TENM4: variants seen among roughly 807,000 people sequenced by gnomAD.
The protein encoded by TENM4 is teneurin-4.
In TENM4, 82 loss-of-function variants were observed where a neutral mutation model predicts 243.3. The ratio of observed to expected loss-of-function variants is 0.34; its 90% CI spans 0.28 to 0.40. The LOEUF (loss-of-function observed/expected upper bound fraction) is 0.40, where lower values mean the gene tolerates loss of function less well. Among genes scored for constraint, TENM4 ranks in the 10% least tolerant of loss-of-function variants. TENM4 has a pLI of 1.00. For missense variants in TENM4, 3,138 were observed against 3,673.3 expected, an observed-to-expected ratio of 0.85 and a Z score of 3.77; for synonymous variants, 1,412 against 1,456.3, an observed-to-expected ratio of 0.97 and a Z score of 0.69.
At chr11:79,223,508 A>T (rs1358705483) in intron 2 of TENM4, among the ~76,000 whole-genome samples, 1 of 152,114 alleles carries the variant, frequency 6.6e-6, no homozygotes, top group African/African-American at 2.4e-5. Flanking sequence ...CTAAAATGCA[A>T]ACCTGACCCT....
intron 6 of TENM4, among the ~76,000 whole-genome samples, chr11:79,020,296 A>G (rs1334070213): frequency 1.3e-5 from 2 of 152,214 alleles, no homozygotes; most frequent in Non-Finnish European, 2.9e-5. Context: ...TGCAGACACA[A>G]AAAGCACTAT....
At position 78,669,647 on chromosome 11, in the gene TENM4, C is replaced by T. The variant is rs561808396; in HGVS notation, c.6698G>A (p.Arg2233Gln). 35 of 1,613,996 alleles carry T rather than the reference C, an allele frequency of 2.2e-5. No individual in the cohort carries two copies. The Middle Eastern group carries it at 4.9e-4, about 23-fold the overall frequency. ...GATGTCATACCGTAGTGGTGTGAGCCGTGCACTGTTCCCAGGGCTCAGTAA... is the reference window on the plus strand; with the variant it reads ...GATGTCATACCGTAGTGGTGTGAGCTGTGCACTGTTCCCAGGGCTCAGTAA... ...LHLLSPGNSA[R>Q]LTPLRYDIRD... Residue 2233 changes from arginine (R) to glutamine (Q), a missense_variant, in exon 32 of 34, where the codon CGG becomes CAG. Arg to Gln is a conservative substitution (Grantham distance 43). Coordinates refer to ENST00000278550, the MANE Select transcript of TENM4 (RefSeq NM_001098816.3). This position sits in a 1 kb window ranked among gnomAD's most constrained non-coding sequence, Gnocchi z 6.4.
At chr11:78,969,812 G>A (rs1315777118) in intron 6 of TENM4, among the ~76,000 whole-genome samples, 3 of 152,206 alleles carry the variant, frequency 2.0e-5, no homozygotes, top group South Asian at 4.2e-4. Flanking sequence ...TGGCAGCCCT[G>A]TAATTTAGAG....
chr11:79,304,309 G>A (rs985339370), intron 1 of TENM4, among the ~76,000 whole-genome samples: 1 of 152,176 alleles, frequency 6.6e-6, no homozygotes, highest in South Asian at 2.1e-4. Context: ...TGGACGTATG[G>A]CTCAGAGATC....
chr11:78,801,172 T>C (rs1161716471), intron 15 of TENM4, among the ~76,000 whole-genome samples: 3 of 152,080 alleles, frequency 2.0e-5, no homozygotes, highest in African/African-American at 7.2e-5. Context: ...GGGCCTGGAT[T>C]TAATTCAAAC....
intron 4 of TENM4, among the ~76,000 whole-genome samples, chr11:79,108,345 T>C (rs918939288): frequency 2.6e-5 from 4 of 152,190 alleles, no homozygotes; most frequent in Admixed American, 6.5e-5. Context: ...AGAAAGATGT[T>C]CTACTTCAAG....
At chr11:78,730,100 G>A (rs890154959) in intron 21 of TENM4, among the ~76,000 whole-genome samples, 3 of 152,134 alleles carry the variant, frequency 2.0e-5, no homozygotes, top group Admixed American at 6.5e-5. Context: ...GAAAGCTCAC[G>A]GAACCTCTGA....
intron 3 of TENM4, among the ~76,000 whole-genome samples, chr11:79,202,019 G>A (rs932518421): frequency 2.6e-5 from 4 of 152,162 alleles, no homozygotes; most frequent in African/African-American, 9.7e-5. Flanking sequence ...CAAAGAAGGA[G>A]GCAGAACCAG....
At chr11:79,163,951 C>T (rs1196876490) in intron 3 of TENM4, among the ~76,000 whole-genome samples, 1 of 131,406 alleles carries the variant, frequency 7.6e-6, no homozygotes, top group African/African-American at 3.0e-5. Context: ...CTATATAGTA[C>T]TATATATCTA....
At chr11:79,360,755 T>A (rs1327239073) in intron 1 of TENM4, among the ~76,000 whole-genome samples, 1 of 147,752 alleles carries the variant, frequency 6.8e-6, no homozygotes, top group East Asian at 1.9e-4. Context: ...AAATAAGACC[T>A]TCTTGTTATA....
Position 79,069,711 on chromosome 11 carries a change from C to A in TENM4, c.223+11G>T. 6.5e-7 allele frequency: 1 copy of A among 1,548,002 alleles called. No homozygotes were observed. Among genetic ancestry groups the A allele is most frequent in the African/African-American group, 1.4e-5 (1 of 73,138 alleles). On this transcript the variant is annotated intron_variant, in intron 5 of 33. Coordinates refer to ENST00000278550, the MANE Select transcript of TENM4 (RefSeq NM_001098816.3). ...TGCGCCTGAGGCCCGCCCCCTCGGC[C>A]TTGTCCTTACCTGTGCGGCAGAATT...
At position 78,881,519 on chromosome 11, in the gene TENM4, C is replaced by G. The variant is rs536858063; in HGVS notation, c.1084+8266G>C. Among the ~76,000 whole-genome samples the G allele has an allele frequency of 3.3e-5, 5 of 152,290 alleles. No homozygotes were observed. In the East Asian group the frequency reaches 9.6e-4, roughly 29 times the overall value. On this transcript the variant is annotated intron_variant, in intron 9 of 33. Coordinates refer to ENST00000278550, the MANE Select transcript of TENM4 (RefSeq NM_001098816.3). ...TCCAGGTTCTAGTAACCCCTCCTTCCCCCTTGCCCCTTCATGCCCCTTCAT... is the reference window on the plus strand; with the variant it reads ...TCCAGGTTCTAGTAACCCCTCCTTCGCCCTTGCCCCTTCATGCCCCTTCAT...
chr11:78,717,461 G>T (rs1017275478), intron 25 of TENM4, among the ~76,000 whole-genome samples: 6 of 152,210 alleles, frequency 3.9e-5, no homozygotes, highest in Non-Finnish European at 8.8e-5. Flanking sequence ...ACAGTCAAGG[G>T]TTCAAATACC....
chr11:79,288,828 G>A (rs1029188186), intron 2 of TENM4, among the ~76,000 whole-genome samples: 9 of 152,108 alleles, frequency 5.9e-5, no homozygotes, highest in African/African-American at 1.7e-4. Flanking sequence ...GATGTCTAAG[G>A]TGGGCTGCTG....
chr11:79,168,220 A>G (rs1389892733), intron 3 of TENM4, among the ~76,000 whole-genome samples: 2 of 152,188 alleles, frequency 1.3e-5, no homozygotes, highest in Non-Finnish European at 2.9e-5. Context: ...CTAAGCACCT[A>G]TATGTGGCAG....
At chr11:79,144,124 A>C (rs1335851993) in intron 4 of TENM4, among the ~76,000 whole-genome samples, 5 of 152,104 alleles carry the variant, frequency 3.3e-5, no homozygotes, top group Non-Finnish European at 5.9e-5. Context: ...TAATAATTTG[A>C]TTAAAAAGTA....
intron 1 of TENM4, among the ~76,000 whole-genome samples, chr11:79,333,739 G>A (rs965455388): frequency 6.6e-6 from 1 of 152,212 alleles, no homozygotes; most frequent in Non-Finnish European, 1.5e-5. Flanking sequence ...CCAATTGTAC[G>A]TAGTAAAGAT....
chr11:79,163,114 C>G (rs1201101846), intron 3 of TENM4, among the ~76,000 whole-genome samples: 1 of 152,164 alleles, frequency 6.6e-6, no homozygotes, highest in African/African-American at 2.4e-5. Context: ...ACCCCACATA[C>G]CAGTTCATTG....
At chr11:78,684,152 A>G (rs1243145301) in intron 29 of TENM4, among the ~76,000 whole-genome samples, 1 of 152,188 alleles carries the variant, frequency 6.6e-6, no homozygotes, top group Non-Finnish European at 1.5e-5. Flanking sequence ...TAATGAACAA[A>G]TTCTCCAATA....
Sources: allele counts gnomAD v4.1 joint callset (sites outside exome capture counted in the v4.1 genomes callset), GRCh38; gene constraint gnomAD v4.1.1; non-coding constraint Gnocchi (gnomAD v3.1); transcripts MANE v1.5; gene names NCBI Gene and HGNC (gene_info 2026-07-23, HGNC 2026-07-21).